CENPO: variants seen among roughly 807,000 people sequenced by gnomAD.
CENPO encodes the protein centromeric protein O.
Under a neutral mutation model 36.1 loss-of-function variants are expected in CENPO, and 30 were observed. The observed-to-expected ratio is 0.83, with a 90% CI of 0.62 to 1.13. The LOEUF (loss-of-function observed/expected upper bound fraction) is 1.13, where lower values mean the gene tolerates loss of function less well. Ranked by LOEUF, CENPO falls within the 50% of genes most tolerant of loss-of-function variation. The pLI, the probability that CENPO is intolerant of heterozygous loss-of-function variation, is 0.00. For synonymous variants in CENPO, 171 were observed against 142.3 expected, an observed-to-expected ratio of 1.20 and a Z score of -1.44; for missense variants, 349 against 357.8, an observed-to-expected ratio of 0.98 and a Z score of 0.20.
chr2:24,821,845 T>C lies in CENPO; in HGVS notation c.*2527T>C, dbSNP rs1667770696. 1.5e-6 allele frequency: 1 copy of C among 659,378 alleles called. No individual in the cohort carries two copies. Among genetic ancestry groups the C allele is most frequent in the Non-Finnish European group, 2.5e-6 (1 of 408,124 alleles). The allele number at this position is 659,378 out of a possible 1,614,324, so 40.8% of individuals were successfully genotyped here. A position where few individuals can be genotyped will look rare whatever the true frequency, so the allele number is the denominator to read the frequency against. Reference sequence around the variant, plus strand: ...TCACGTAGCAGGTCTAGGCAAAGACTGGGCAATTGAGCAGAGGAGACGGAC... The same window carrying C: ...TCACGTAGCAGGTCTAGGCAAAGACCGGGCAATTGAGCAGAGGAGACGGAC... On this transcript the variant is annotated 3_prime_UTR_variant, in exon 8 of 8. Coordinates refer to ENST00000380834, the MANE Select transcript of CENPO (RefSeq NM_001322101.2).
intron 5 of CENPO, chr2:24,816,377 G>A (rs1184746497): frequency 5.4e-6 from 2 of 371,396 alleles, no homozygotes; most frequent in East Asian, 4.6e-5. Flanking sequence ...GCCGTGTAAC[G>A]TCAGTGAAGT....
At chr2:24,794,628 T>G (rs1451811378) in intron 2 of CENPO, among the ~76,000 whole-genome samples, 1 of 152,242 alleles carries the variant, frequency 6.6e-6, no homozygotes. Context: ...TGCTTAGAAT[T>G]ACGAAACTAT....
At chr2:24,817,614 C>G (rs1667013800) in intron 6 of CENPO, 56 bp from the exon 7 acceptor site, 2 of 1,609,138 alleles carry the variant, frequency 1.2e-6, no homozygotes, top group Non-Finnish European at 1.7e-6. Context: ...ATCAGTGATC[C>G]AGGCTCCGAT....
In CENPO at chr2:24,797,449, C is replaced by T. The variant is rs531293590; in HGVS notation, c.47-2226C>T. ...GAGATACATATTTGTGTGGCATCGACATGTATGGCCATTAAGGCTGTGGGT... is the reference window on the plus strand; with the variant it reads ...GAGATACATATTTGTGTGGCATCGATATGTATGGCCATTAAGGCTGTGGGT... On this transcript the variant is annotated intron_variant, in intron 2 of 7. Coordinates refer to ENST00000380834, the MANE Select transcript of CENPO (RefSeq NM_001322101.2). 2.0e-5 allele frequency among the ~76,000 whole-genome samples: 3 copies of T among 152,232 alleles called. No homozygotes were observed. The East Asian group carries it at 5.8e-4, about 29-fold the overall frequency.
chr2:24,794,491 C>G (rs1320435459), intron 2 of CENPO, among the ~76,000 whole-genome samples: 5 of 152,208 alleles, frequency 3.3e-5, no homozygotes, highest in Non-Finnish European at 7.3e-5. Flanking sequence ...AAGTATTGAA[C>G]TCAGACTTTT....
chr2:24,797,301 G>C (rs181744511), intron 2 of CENPO, among the ~76,000 whole-genome samples: 1 of 152,326 alleles, frequency 6.6e-6, no homozygotes, highest in Admixed American at 6.5e-5. Context: ...TTTAGAAGGG[G>C]AGATGATGAA....
At position 24,820,244 on chromosome 2, in the gene CENPO, C is replaced by A; in HGVS notation, c.*926C>A. 1.7e-6 allele frequency: 2 copies of A among 1,196,152 alleles called. No homozygotes were observed. The highest frequency in any genetic ancestry group is 2.2e-6 in the Non-Finnish European group (2 of 903,216). The allele number at this position is 1,196,152 out of a possible 1,614,324, so 74.1% of individuals were successfully genotyped here. A position where few individuals can be genotyped will look rare whatever the true frequency, so the allele number is the denominator to read the frequency against. ...CAAGCAGTACGGGACACTCCCCAAA[C>A]CTCCCAGGGCCAAGCCCTTCCACCC... On this transcript the variant is annotated 3_prime_UTR_variant, in exon 8 of 8. Transcript: ENST00000380834.
Position 24,822,349 on chromosome 2 carries a change from T to C in CENPO, c.*3031T>C, listed in dbSNP as rs895420601. 5 of 1,049,330 alleles carry C rather than the reference T, an allele frequency of 4.8e-6. No homozygotes were observed. The highest frequency in any genetic ancestry group is 4.7e-5 in the Admixed American group (2 of 42,808). The allele number at this position is 1,049,330 out of a possible 1,614,324, so 65.0% of individuals were successfully genotyped here. A position where few individuals can be genotyped will look rare whatever the true frequency, so the allele number is the denominator to read the frequency against. On this transcript the variant is annotated 3_prime_UTR_variant, in exon 8 of 8. Coordinates refer to ENST00000380834, the MANE Select transcript of CENPO (RefSeq NM_001322101.2). ...TTCTGTTTCTCTGCTTGCCGAACTT[T>C]CTCAATAAACCCTATTTCTTATTTA...
Position 24,821,539 on chromosome 2 carries a change from G to A in CENPO, c.*2221G>A. The A allele has an allele frequency of 6.2e-7, 1 of 1,614,162 alleles. No individual in the cohort carries two copies. ...CACCTATGCGCAGCATGAAGTTATTGAAGGACTGGTTGTTGATGTTGGTGA... is the reference window on the plus strand; with the variant it reads ...CACCTATGCGCAGCATGAAGTTATTAAAGGACTGGTTGTTGATGTTGGTGA... On this transcript the variant is annotated 3_prime_UTR_variant, in exon 8 of 8. Coordinates refer to ENST00000380834, the MANE Select transcript of CENPO (RefSeq NM_001322101.2).
Position 24,816,950 on chromosome 2 carries a change from C to G in CENPO, c.766+133C>G, listed in dbSNP as rs184652845. 1.1e-4 allele frequency: 76 copies of G among 693,356 alleles called. No individual in the cohort carries two copies. In the South Asian group the frequency reaches 2.2e-3, roughly 20 times the overall value. 43.0% of individuals were successfully genotyped at this position (693,356 alleles called of 1,614,324 possible). A position where few individuals can be genotyped will look rare whatever the true frequency, so the allele number is the denominator to read the frequency against. On this transcript the variant is annotated intron_variant, in intron 6 of 7. Coordinates refer to ENST00000380834, the MANE Select transcript of CENPO (RefSeq NM_001322101.2). ...TTTATATACTGTACATTACTCAGACCGGTAAGATAGAACATTCTTGTTTCT... is the reference window on the plus strand; with the variant it reads ...TTTATATACTGTACATTACTCAGACGGGTAAGATAGAACATTCTTGTTTCT...
chr2:24,821,755 C>G lies in CENPO; in HGVS notation c.*2437C>G. 1 of 1,443,364 alleles carries G rather than the reference C, an allele frequency of 6.9e-7. No homozygotes were observed. Among genetic ancestry groups the G allele is most frequent in the African/African-American group, 1.4e-5 (1 of 70,634 alleles). The allele number at this position is 1,443,364 out of a possible 1,614,324, so 89.4% of individuals were successfully genotyped here. On this transcript the variant is annotated 3_prime_UTR_variant, in exon 8 of 8. Coordinates refer to ENST00000380834, the MANE Select transcript of CENPO (RefSeq NM_001322101.2). ...ATTCCCTACACCTAGATGTTCAAGG[C>G]CTTACTTTTCCTCCCACAAAGGAGT...
In CENPO at chr2:24,810,759, C is replaced by T. The variant is rs146390138; in HGVS notation, c.217-3617C>T. 4.0e-3 allele frequency among the ~76,000 whole-genome samples: 607 copies of T among 151,620 alleles called. 7 individuals are homozygous for T. Among genetic ancestry groups the T allele is most frequent in the African/African-American group, 0.013 (549 of 41,344 alleles). ...CTGACCTCAGGTGATCTGCCCACCT[C>T]GGCCTCCCACAGTGCTGGGATTACA... On this transcript the variant is annotated intron_variant, in intron 3 of 7. Transcript: ENST00000380834.
Position 24,808,919 on chromosome 2 carries a change from A to G in CENPO, c.217-5457A>G, listed in dbSNP as rs183713707. Among the ~76,000 whole-genome samples the G allele has an allele frequency of 5.3e-5, 8 of 151,592 alleles. No homozygotes were observed. In the East Asian group the frequency reaches 1.4e-3, roughly 26 times the overall value. On this transcript the variant is annotated intron_variant, in intron 3 of 7. Coordinates refer to ENST00000380834, the MANE Select transcript of CENPO (RefSeq NM_001322101.2). ...TTTTCTATTCTTTGAAAGACTTTAG[A>G]TAAAATTGGTGTTATTTTTTCTTAC...
chr2:24,793,601 C>G (rs1572715503), intron 1 of CENPO, 100 bp downstream of exon 1: 1 of 1,447,724 alleles, frequency 6.9e-7, no homozygotes, highest in Non-Finnish European at 9.1e-7. Flanking sequence ...CTTCCGTGGC[C>G]GGGAAGCCCG....
In CENPO at chr2:24,814,106, T is replaced by A. The variant is rs142016376; in HGVS notation, c.217-270T>A. Among the ~76,000 whole-genome samples, 15 of 152,286 alleles carry A rather than the reference T, an allele frequency of 9.8e-5. No individual in the cohort carries two copies. The East Asian group carries it at 2.5e-3, about 25-fold the overall frequency. On this transcript the variant is annotated intron_variant, in intron 3 of 7. Coordinates refer to ENST00000380834, the MANE Select transcript of CENPO (RefSeq NM_001322101.2). ...CTTAGCCTAGACTTTCCACACAACC[T>A]TTTCTTGCTGCTCTCTCAGTCCTGT...
In CENPO at chr2:24,817,794, T is replaced by C; in HGVS notation, c.891T>C (p.Ser297=). ...GAAAAGGAGAAAAGTTGGATATGAG[T>C]CTGGTCTCCTAATAGATTGTTTTCA... is the stretch of plus-strand genomic sequence containing the variant. ...FTRKGEKLDM[S]LVS Residue 297 remains serine, a synonymous_variant, in exon 7 of 8, where the codon AGT becomes AGC. Coordinates refer to ENST00000380834, the MANE Select transcript of CENPO (RefSeq NM_001322101.2). 1 of 1,614,142 alleles carries C rather than the reference T, an allele frequency of 6.2e-7. No individual in the cohort carries two copies. Among genetic ancestry groups the C allele is most frequent in the Non-Finnish European group, 8.5e-7 (1 of 1,180,018 alleles).
rs751915642 is a variant in CENPO, at chr2:24,793,486, C to T, written c.-84C>T. ...TTTGAAGACGTGGATGGCGGGAATTCTCGCTTCTGGCCTGGGTGAGCTAGA... is the reference window on the plus strand; with the variant it reads ...TTTGAAGACGTGGATGGCGGGAATTTTCGCTTCTGGCCTGGGTGAGCTAGA... On this transcript the variant is annotated 5_prime_UTR_variant, in exon 1 of 8. Coordinates refer to ENST00000380834, the MANE Select transcript of CENPO (RefSeq NM_001322101.2). 1.2e-6 allele frequency: 2 copies of T among 1,602,254 alleles called. No individual in the cohort carries two copies. The highest frequency in any genetic ancestry group is 1.1e-5 in the South Asian group (1 of 89,592).
In CENPO at chr2:24,820,565, C is replaced by G; in HGVS notation, c.*1247C>G. ...GGAAGTGTTTCTTCCTGTGCTGAGGCTAGCTATTGCAGAGATTCTTTTCCA... is the reference window on the plus strand; with the variant it reads ...GGAAGTGTTTCTTCCTGTGCTGAGGGTAGCTATTGCAGAGATTCTTTTCCA... On this transcript the variant is annotated 3_prime_UTR_variant, in exon 8 of 8. Transcript: ENST00000380834. 1 of 1,429,822 alleles carries G rather than the reference C, an allele frequency of 7.0e-7. No individual in the cohort carries two copies. The highest frequency in any genetic ancestry group is 1.4e-5 in the African/African-American group (1 of 70,178). The allele number at this position is 1,429,822 out of a possible 1,614,324, so 88.6% of individuals were successfully genotyped here. A position where few individuals can be genotyped will look rare whatever the true frequency, so the allele number is the denominator to read the frequency against.
In CENPO at chr2:24,793,512, A is replaced by G. The variant is rs1418631465; in HGVS notation, c.-69+11A>G. 6.3e-7 allele frequency: 1 copy of G among 1,588,154 alleles called. No individual in the cohort carries two copies. The highest frequency in any genetic ancestry group is 8.6e-7 in the Non-Finnish European group (1 of 1,166,996). On this transcript the variant is annotated intron_variant, in intron 1 of 7. Coordinates refer to ENST00000380834, the MANE Select transcript of CENPO (RefSeq NM_001322101.2). ...TCGCTTCTGGCCTGGGTGAGCTAGA[A>G]GGGAGAAGGTAGGGGAAAGACCCAT...
Sources: allele counts gnomAD v4.1 joint callset (sites outside exome capture counted in the v4.1 genomes callset), GRCh38; gene constraint gnomAD v4.1.1; transcripts MANE v1.5; gene names NCBI Gene and HGNC (gene_info 2026-07-23, HGNC 2026-07-21).